The following MAOA variants were observed in gnomAD, a reference collection of about 807,000 sequenced individuals.
MAOA encodes the protein amine oxidase [flavin-containing] A.
Under a neutral mutation model 42.0 loss-of-function variants are expected in MAOA, and 6 were observed. The observed-to-expected ratio is 0.14, with a 90% CI of 0.08 to 0.28. The LOEUF is 0.28. Among genes scored for constraint, MAOA ranks in the 10% least tolerant of loss-of-function variants. MAOA has a pLI of 1.00. For missense variants in MAOA, 262 were observed against 422.3 expected, an observed-to-expected ratio of 0.62 and a Z score of 3.33; for synonymous variants, 140 against 154.0, an observed-to-expected ratio of 0.91 and a Z score of 0.67.
At chrX:43,678,187 T>A (rs2033416109) in intron 1 of MAOA, among the ~76,000 whole-genome samples, 1 of 111,704 alleles carries the variant, frequency 9.0e-6, no homozygotes, top group Non-Finnish European at 1.9e-5. Context: ...TGGTTGTTAA[T>A]CATTTACTGG....
intron 6 of MAOA, 120 bp from the exon 7 acceptor site, chrX:43,731,121 G>C (rs1207051780): frequency 4.6e-6 from 3 of 646,597 alleles, no homozygotes; most frequent in African/African-American, 4.3e-5. Flanking sequence ...TGACAGTTAA[G>C]TGTGCAGACG....
chrX:43,681,691 T>C (rs1031287875), intron 1 of MAOA, among the ~76,000 whole-genome samples: 1 of 110,438 alleles, frequency 9.1e-6, no homozygotes, highest in Non-Finnish European at 1.9e-5. Context: ...GCCATTCTTA[T>C]TTCCCTCTAC....
At chrX:43,690,838 T>C (rs1369530371) in intron 2 of MAOA, among the ~76,000 whole-genome samples, 2 of 111,218 alleles carry the variant, frequency 1.8e-5, no homozygotes, top group African/African-American at 6.5e-5. Context: ...ACTTAGAAGA[T>C]GTATAGTCTA....
chrX:43,738,968 T>C (rs2033941164), intron 10 of MAOA, among the ~76,000 whole-genome samples: 1 of 112,466 alleles, frequency 8.9e-6, no homozygotes, highest in Admixed American at 9.4e-5. Context: ...CAGTCATCTC[T>C]TCATAGACTA....
chrX:43,695,013 A>G (rs191232047), intron 3 of MAOA, among the ~76,000 whole-genome samples: 35 of 112,201 alleles, frequency 3.1e-4, no homozygotes, highest in Admixed American at 3.1e-3. Flanking sequence ...GGCAGGCATT[A>G]TCATCCCCAT....
chrX:43,721,160 A>G (rs1387367627), intron 5 of MAOA, among the ~76,000 whole-genome samples: 1 of 111,143 alleles, frequency 9.0e-6, no homozygotes, highest in African/African-American at 3.3e-5. Context: ...TCTTTCAAGA[A>G]TGACTCAAAG....
intron 2 of MAOA, among the ~76,000 whole-genome samples, chrX:43,689,458 T>C (rs2033515648): frequency 9.0e-6 from 1 of 111,475 alleles, no homozygotes; most frequent in Non-Finnish European, 1.9e-5. Flanking sequence ...TGTTCAGAAG[T>C]TATATAGTCA....
chrX:43,702,591 G>A (rs2033632250), intron 3 of MAOA, among the ~76,000 whole-genome samples: 1 of 112,286 alleles, frequency 8.9e-6, no homozygotes, highest in African/African-American at 3.2e-5. Flanking sequence ...TGGAATCACA[G>A]AAAACTTGAG....
At chrX:43,737,535 GA>G (rs2033928799) in intron 10 of MAOA, among the ~76,000 whole-genome samples, 1 of 111,900 alleles carries the variant, frequency 8.9e-6, no homozygotes, top group Non-Finnish European at 1.9e-5. Flanking sequence ...TCACATGGCA[GA>G]AAAGGCAGAA....
chrX:43,706,846 T>C (rs764027755), intron 3 of MAOA, among the ~76,000 whole-genome samples: 1 of 110,685 alleles, frequency 9.0e-6, no homozygotes, highest in African/African-American at 3.3e-5. Flanking sequence ...TTATTGATGG[T>C]ATGGCATCAT....
intron 3 of MAOA, among the ~76,000 whole-genome samples, chrX:43,703,634 TA>T (rs1254193848): frequency 2.7e-5 from 3 of 112,185 alleles, no homozygotes; most frequent in African/African-American, 9.7e-5. Context: ...CCTAGGGGAA[TA>T]TTTCTCAAGT....
At chrX:43,741,117 A>G (rs2033957612) in intron 11 of MAOA, among the ~76,000 whole-genome samples, 2 of 111,547 alleles carry the variant, frequency 1.8e-5, no homozygotes, top group South Asian at 7.5e-4. Flanking sequence ...TTTGTTGGTG[A>G]AGGCAAAGTA....
chrX:43,716,809 G>C (rs912035158), intron 5 of MAOA, among the ~76,000 whole-genome samples: 4 of 110,615 alleles, frequency 3.6e-5, no homozygotes, highest in South Asian at 3.8e-4. Context: ...TGAGCCAGAG[G>C]GGGTAGTGAG....
intron 2 of MAOA, among the ~76,000 whole-genome samples, chrX:43,686,315 T>C (rs1216185697): frequency 1.8e-5 from 2 of 112,466 alleles, no homozygotes; most frequent in Non-Finnish European, 3.8e-5. Flanking sequence ...ATCTGTGTTA[T>C]TGGCCCCAAT....
intron 14 of MAOA, 95 bp from the exon 15 acceptor site, chrX:43,744,272 A>G (rs2147108636): frequency 1.8e-6 from 2 of 1,123,981 alleles, no homozygotes; most frequent in East Asian, 3.0e-5. Context: ...TATAGATGCA[A>G]CTATCCCAGG....
At chrX:43,717,982 G>A (rs763791307) in intron 5 of MAOA, among the ~76,000 whole-genome samples, 1 of 110,637 alleles carries the variant, frequency 9.0e-6, no homozygotes, top group Non-Finnish European at 1.9e-5. Context: ...GCACTGCAAG[G>A]AGGCAGGGAA....
intron 3 of MAOA, among the ~76,000 whole-genome samples, chrX:43,704,196 T>C (rs1181214288): frequency 9.0e-6 from 1 of 111,292 alleles, no homozygotes; most frequent in African/African-American, 3.3e-5. Flanking sequence ...ACAAGAAAAC[T>C]ACAAACCAAT....
chrX:43,657,273 T>TTATATATATA (rs397717487), intron 1 of MAOA, among the ~76,000 whole-genome samples: 1 of 79,447 alleles, frequency 1.3e-5, no homozygotes, highest in Non-Finnish European at 2.4e-5. Context: ...TGAACTGTGT[T>TTATATATATA]TATATATATA....
Position 43,731,368 on chromosome X carries a change from C to T in MAOA, c.773C>T (p.Thr258Met), listed in dbSNP as rs2033879326. 6 of 1,210,262 alleles carry T rather than the reference C, an allele frequency of 5.0e-6. No homozygotes were observed. Among genetic ancestry groups the T allele is most frequent in the Non-Finnish European group, 6.7e-6 (6 of 894,161 alleles). Residue 258 changes from threonine (T) to methionine (M), a missense_variant, in exon 7 of 15, where the codon ACG becomes ATG. Transcript: ENST00000338702. ...DQSSDNIIIE[T>M]LNHEHYECKY... is the part of the protein sequence containing the mutation. ...TCAAGTGACAACATCATCATAGAGA[C>T]GCTGAACCATGAACATTATGAGGTA...
Sources: allele counts gnomAD v4.1 joint callset (sites outside exome capture counted in the v4.1 genomes callset), GRCh38; gene constraint gnomAD v4.1.1; transcripts MANE v1.5; gene names NCBI Gene and HGNC (gene_info 2026-07-23, HGNC 2026-07-21).